The following SPMAP2 variants were observed in gnomAD, a reference collection of about 807,000 sequenced individuals.
The protein encoded by SPMAP2 is sperm microtubule associated protein 2, also known as Theg homolog.
chr19:368,981 G>C, the SPMAP2 span, among the ~76,000 whole-genome samples: 1 of 152,200 alleles, frequency 6.6e-6, no homozygotes, highest in Non-Finnish European at 1.5e-5. The surrounding 1 kb of genome is among the most constrained non-coding windows in gnomAD (Gnocchi z 4.1). Flanking sequence ...AGACAAGTGG[G>C]AAAGGGAACA....
chr19:375,772 CG>C, the SPMAP2 span: 3 of 1,610,058 alleles, frequency 1.9e-6, no homozygotes, highest in Non-Finnish European at 2.5e-6. Context: ...GCCACCTCCT[CG>C]GGGGGAAGCT....
At chr19:374,261 C>T in the SPMAP2 span, 545 of 1,608,250 alleles carry the variant, frequency 3.4e-4, 1 homozygote, top group East Asian at 4.5e-4. Flanking sequence ...AAGCCGCCCA[C>T]GCTGCCCCTA....
chr19:375,735 T>C, the SPMAP2 span: 2,381 of 1,609,500 alleles, frequency 1.5e-3, 4 homozygotes, highest in Middle Eastern at 2.8e-3. Flanking sequence ...CTCTTTGGGA[T>C]CCAGGGTCTC....
At chr19:370,407 T>A in the SPMAP2 span, among the ~76,000 whole-genome samples, 4 of 151,786 alleles carry the variant, frequency 2.6e-5, no homozygotes, top group South Asian at 8.3e-4. Flanking sequence ...AGTGGCGCGA[T>A]CTCGGCTCAC....
At chr19:366,483 T>C in the SPMAP2 span, among the ~76,000 whole-genome samples, 1 of 152,130 alleles carries the variant, frequency 6.6e-6, no homozygotes, top group Non-Finnish European at 1.5e-5. Flanking sequence ...CACTCATCAT[T>C]TCACAAATAT....
the SPMAP2 span, among the ~76,000 whole-genome samples, chr19:370,498 C>A: frequency 7.8e-6 from 1 of 128,048 alleles, no homozygotes; most frequent in Non-Finnish European, 1.7e-5. Context: ...CCCGCCACCA[C>A]CCCCGGCTAA....
At chr19:375,558 G>A in the SPMAP2 span, 74 of 1,231,502 alleles carry the variant, frequency 6.0e-5, no homozygotes, top group Admixed American at 1.1e-4. Context: ...GCCGGTGGCC[G>A]GTTACGACCC....
chr19:375,852 C>CGG, the SPMAP2 span: 1 of 1,600,992 alleles, frequency 6.2e-7, no homozygotes, highest in East Asian at 2.3e-5. Context: ...TGTGACCCGC[C>CGG]GGCTCTCGTA....
chr19:369,003 T>C, the SPMAP2 span, among the ~76,000 whole-genome samples: 1 of 152,226 alleles, frequency 6.6e-6, no homozygotes, highest in Admixed American at 6.5e-5. Context: ...GGACCGTGCA[T>C]GTTGGTATCA....
the SPMAP2 span, among the ~76,000 whole-genome samples, chr19:368,478 G>A: frequency 1.3e-5 from 2 of 152,046 alleles, no homozygotes; most frequent in Admixed American, 1.3e-4. This position sits in a 1 kb window ranked among gnomAD's most constrained non-coding sequence, Gnocchi z 4.1. Flanking sequence ...CTCTGGGGAG[G>A]GAGGGAGGGA....
the SPMAP2 span, among the ~76,000 whole-genome samples, chr19:365,481 CA>C: frequency 6.7e-6 from 1 of 148,694 alleles, no homozygotes; most frequent in African/African-American, 2.5e-5. Flanking sequence ...TGAGCACGCA[CA>C]GAGAAACAGC....
chr19:374,078 C>A, the SPMAP2 span: 3 of 1,553,576 alleles, frequency 1.9e-6, no homozygotes, highest in South Asian at 3.4e-5. Flanking sequence ...TCCCAAACTC[C>A]TCACTCTCCT....
the SPMAP2 span, chr19:367,006 G>A: frequency 6.4e-7 from 1 of 1,568,788 alleles, no homozygotes; most frequent in Non-Finnish European, 8.7e-7. Flanking sequence ...GAGGTATAAG[G>A]TGTCCCTTGG....
chr19:373,418 T>C, the SPMAP2 span: 917 of 1,589,370 alleles, frequency 5.8e-4, 5 homozygotes, highest in African/African-American at 0.011. Context: ...GCAGGTTCCC[T>C]GGAGGCCGGC....
At chr19:362,572 A>G in the SPMAP2 span, 1 of 559,534 alleles carries the variant, frequency 1.8e-6, no homozygotes, top group Non-Finnish European at 3.1e-6. Context: ...GTTAGAGATC[A>G]GCCTGGCCAA....
the SPMAP2 span, among the ~76,000 whole-genome samples, chr19:374,950 C>T: frequency 6.6e-6 from 1 of 152,240 alleles, no homozygotes; most frequent in African/African-American, 2.4e-5. Flanking sequence ...CCAGAATCCC[C>T]TCACACTCCT....
chr19:371,579 C>T, the SPMAP2 span, among the ~76,000 whole-genome samples: 1 of 152,160 alleles, frequency 6.6e-6, no homozygotes, highest in East Asian at 1.9e-4. Context: ...TACCATCTCC[C>T]AGGGTTGTCT....
At chr19:371,408 G>T in the SPMAP2 span, 2 of 574,268 alleles carry the variant, frequency 3.5e-6, no homozygotes, top group Admixed American at 3.1e-5. Flanking sequence ...GTGTGTGTAT[G>T]TGTCTGTCTG....
At chr19:363,380 A>T in the SPMAP2 span, among the ~76,000 whole-genome samples, 4 of 151,908 alleles carry the variant, frequency 2.6e-5, no homozygotes, top group African/African-American at 9.7e-5. Context: ...TTCAGCAGAG[A>T]CGGGGTTTCA....
Sources: gnomAD v4.1 joint callset for allele counts (sites outside exome capture counted in the v4.1 genomes callset) on GRCh38, gnomAD v4.1.1 for gene constraint, Gnocchi (gnomAD v3.1) non-coding constraint, MANE v1.5 for transcripts, NCBI Gene and HGNC (gene_info 2026-07-23, HGNC 2026-07-21) for gene names.